The following KCNH1 variants were observed in gnomAD, a reference collection of about 807,000 sequenced individuals.
The protein encoded by KCNH1 is voltage-gated delayed rectifier potassium channel KCNH1.
In KCNH1, 27 loss-of-function variants were observed where a neutral mutation model predicts 69.2. The observed-to-expected ratio is 0.39, with a 90% CI of 0.29 to 0.54. KCNH1 has a LOEUF of 0.54. KCNH1 is among the 20% of genes least tolerant of loss of function. KCNH1 has a pLI of 0.68. For missense variants in KCNH1, 798 were observed against 1,261.6 expected (o/e 0.63, Z 5.57); for synonymous variants, 456 against 487.7 (o/e 0.93, Z 0.86).
chr1:210,701,351 G>A (rs1681773182), intron 10 of KCNH1, among the ~76,000 whole-genome samples: 1 of 152,204 alleles, frequency 6.6e-6, no homozygotes, highest in South Asian at 2.1e-4. Flanking sequence ...GGGATTGCAG[G>A]TCTGAGCCAC....
Position 210,795,147 on chromosome 1 carries a change from GTTGT to G in KCNH1, c.1915+2357_1915+2360del, listed in dbSNP as rs71571968. ...TGTTTTTGTTGTTGTTGTTGTTGTT[GTTGT>G]TTGTTTGTTTGTTTTGTGAGACAGG... is the stretch of plus-strand genomic sequence containing the variant. On this transcript the variant is annotated intron_variant, in intron 9 of 10. Transcript: ENST00000271751. Among the ~76,000 whole-genome samples the G allele has an allele frequency of 6.4e-5, 8 of 124,108 alleles. No homozygotes were observed. In the South Asian group the frequency reaches 1.0e-3, roughly 16 times the overall value. The allele number at this position is 124,108 out of a possible 152,430, so 81.4% of individuals were successfully genotyped here. A position where few individuals can be genotyped will look rare whatever the true frequency, so the allele number is the denominator to read the frequency against.
intron 6 of KCNH1, among the ~76,000 whole-genome samples, chr1:210,943,915 T>C (rs1687915491): frequency 6.6e-6 from 1 of 152,178 alleles, no homozygotes; most frequent in Non-Finnish European, 1.5e-5. Context: ...ACTCAGTAGA[T>C]ACCGGTTTCC....
intron 10 of KCNH1, among the ~76,000 whole-genome samples, chr1:210,732,628 G>A (rs114073021): frequency 0.014 from 2,201 of 152,216 alleles, 58 homozygotes; most frequent in African/African-American, 0.049. Flanking sequence ...GCTTAGACTG[G>A]GTAATTTATA....
At chr1:211,091,140 C>T (rs898971888) in intron 3 of KCNH1, among the ~76,000 whole-genome samples, 2 of 152,166 alleles carry the variant, frequency 1.3e-5, no homozygotes, top group African/African-American at 2.4e-5. Context: ...GGGTCAAAAT[C>T]CAGTTTAGGA....
chr1:210,689,181 C>G (rs151121181), intron 10 of KCNH1, among the ~76,000 whole-genome samples: 1 of 152,348 alleles, frequency 6.6e-6, no homozygotes, highest in Non-Finnish European at 1.5e-5. Flanking sequence ...AATTGACACT[C>G]AGATCCTTAA....
At chr1:210,875,662 G>C (rs1399870980) in intron 7 of KCNH1, among the ~76,000 whole-genome samples, 1 of 152,108 alleles carries the variant, frequency 6.6e-6, no homozygotes, top group Non-Finnish European at 1.5e-5. Flanking sequence ...AATTAGCTGG[G>C]TGTGGTGGCG....
At chr1:211,063,678 T>C (rs1310143663) in intron 5 of KCNH1, 1 of 151,964 alleles carries the variant, frequency 6.6e-6, no homozygotes, top group Non-Finnish European at 1.5e-5. Context: ...GAGGCAGAGG[T>C]TGCACTGAGC....
chr1:211,004,852 A>T (rs1689248453), intron 6 of KCNH1, among the ~76,000 whole-genome samples: 2 of 152,266 alleles, frequency 1.3e-5, no homozygotes, highest in African/African-American at 4.8e-5. Flanking sequence ...TATTAATATC[A>T]CACAAAGTAG....
rs553354476 is a variant in KCNH1, at chr1:211,134,145, G to A, written c.-200C>T. ...CTCCCTCCCTGCGGCCCGCCTCGCA[G>A]TGCACTCGCGCCGGCCTCGGCTAGC... On this transcript the variant is annotated 5_prime_UTR_variant, in exon 1 of 11. Coordinates refer to ENST00000271751, the MANE Select transcript of KCNH1 (RefSeq NM_172362.3). The surrounding 1 kb of genome is among the most constrained non-coding windows in gnomAD (Gnocchi z 5.7). 4 of 424,080 alleles carry A rather than the reference G, an allele frequency of 9.4e-6. No homozygotes were observed. The highest frequency in any genetic ancestry group is 1.7e-5 in the Non-Finnish European group (4 of 240,588). 26.3% of individuals were successfully genotyped at this position (424,080 alleles called of 1,614,324 possible).
chr1:211,095,987 G>A (rs1471949556), intron 3 of KCNH1, among the ~76,000 whole-genome samples: 2 of 151,996 alleles, frequency 1.3e-5, no homozygotes, highest in East Asian at 3.9e-4. Context: ...GGATAACAGA[G>A]TTACTTAAAA....
intron 6 of KCNH1, among the ~76,000 whole-genome samples, chr1:210,978,693 C>T (rs566664372): frequency 9.2e-5 from 14 of 152,248 alleles, no homozygotes; most frequent in Admixed American, 2.0e-4. Flanking sequence ...ACTATTATTA[C>T]GCTTGTTTTT....
intron 6 of KCNH1, among the ~76,000 whole-genome samples, chr1:210,952,220 A>G (rs1688078196): frequency 6.6e-6 from 1 of 152,208 alleles, no homozygotes; most frequent in East Asian, 1.9e-4. Context: ...TGATATACTC[A>G]TCTCTGGCCA....
At chr1:210,917,010 T>A (rs1401486320) in intron 7 of KCNH1, among the ~76,000 whole-genome samples, 1 of 151,694 alleles carries the variant, frequency 6.6e-6, no homozygotes, top group African/African-American at 2.4e-5. Flanking sequence ...TAGCCAGGTG[T>A]CATGGTGCGT....
intron 10 of KCNH1, among the ~76,000 whole-genome samples, chr1:210,710,518 A>G (rs1285846721): frequency 6.6e-6 from 1 of 152,214 alleles, no homozygotes; most frequent in Non-Finnish European, 1.5e-5. Flanking sequence ...TAAGTGTGCT[A>G]CAATGTAACA....
In KCNH1 at chr1:210,978,930, C is replaced by T. The variant is rs1383221067; in HGVS notation, c.1032+39853G>A. On this transcript the variant is annotated intron_variant, in intron 6 of 10. Transcript: ENST00000271751. ...CCCTTTAGTGTCTCCTCTGCATATT[C>T]AAACAGCCTCAAAGTTGGTCAACAG... 2.6e-5 allele frequency among the ~76,000 whole-genome samples: 4 copies of T among 152,180 alleles called. No homozygotes were observed. In the East Asian group the frequency reaches 7.7e-4, roughly 29 times the overall value.
intron 7 of KCNH1, among the ~76,000 whole-genome samples, chr1:210,848,930 AG>A (rs1685621177): frequency 6.6e-6 from 1 of 152,204 alleles, no homozygotes; most frequent in Non-Finnish European, 1.5e-5. Flanking sequence ...GACCTTAAAA[AG>A]CTTAGAGTAT....
chr1:210,994,936 T>A (rs1415847839), intron 6 of KCNH1, among the ~76,000 whole-genome samples: 1 of 152,238 alleles, frequency 6.6e-6, no homozygotes, highest in African/African-American at 2.4e-5. Context: ...TAGATTCTTA[T>A]GAGGAGTTCA....
intron 10 of KCNH1, among the ~76,000 whole-genome samples, chr1:210,693,178 C>A (rs1030572715): frequency 2.6e-5 from 4 of 152,248 alleles, no homozygotes; most frequent in Admixed American, 6.5e-5. Flanking sequence ...TAGTTGTCTT[C>A]TGTACAAAGT....
chr1:210,688,807 C>G (rs1681466292), intron 10 of KCNH1, among the ~76,000 whole-genome samples: 1 of 152,158 alleles, frequency 6.6e-6, no homozygotes, highest in Admixed American at 6.5e-5. Flanking sequence ...AGTCAGGGAC[C>G]ACACCAACAG....
Sources: gnomAD v4.1 joint callset for allele counts (sites outside exome capture counted in the v4.1 genomes callset) on GRCh38, gnomAD v4.1.1 for gene constraint, Gnocchi (gnomAD v3.1) non-coding constraint, MANE v1.5 for transcripts, NCBI Gene and HGNC (gene_info 2026-07-23, HGNC 2026-07-21) for gene names.